Variants in STAG1 observed in about 807,000 individuals in gnomAD.
The protein encoded by STAG1 is STAG1 cohesin complex component.
Under a neutral mutation model 170.9 loss-of-function variants are expected in STAG1, and 26 were observed. That is an observed-to-expected ratio of 0.15 (90% CI 0.11 to 0.21). The LOEUF (loss-of-function observed/expected upper bound fraction) is 0.21, where lower values mean the gene tolerates loss of function less well. Ranked by LOEUF, STAG1 falls within the 10% of genes least tolerant of loss-of-function variation. The pLI, the probability that STAG1 is intolerant of heterozygous loss-of-function variation, is 1.00. For synonymous variants in STAG1, 514 were observed against 497.7 expected (o/e 1.03, Z -0.44); for missense variants, 964 against 1,509.5 (o/e 0.64, Z 5.99).
intron 1 of STAG1, among the ~76,000 whole-genome samples, chr3:136,660,828 G>T (rs1941553341): frequency 6.6e-6 from 1 of 152,072 alleles, no homozygotes; most frequent in East Asian, 1.9e-4. Flanking sequence ...AATTAGCCAG[G>T]TATAGTGGTA....
intron 1 of STAG1, among the ~76,000 whole-genome samples, chr3:136,700,699 C>T (rs925226028): frequency 2.0e-5 from 3 of 151,060 alleles, no homozygotes; most frequent in Admixed American, 6.6e-5. Context: ...GGATTACAGG[C>T]ATAATAGACC....
chr3:136,472,636 G>C (rs1283859156), intron 11 of STAG1, 144 bp from the exon 12 acceptor site: 3 of 542,430 alleles, frequency 5.5e-6, no homozygotes, highest in Non-Finnish European at 6.6e-6. Context: ...CAGTATTGTA[G>C]TCCTACTCAC....
intron 1 of STAG1, among the ~76,000 whole-genome samples, chr3:136,670,408 A>C (rs1941940002): frequency 6.6e-6 from 1 of 152,218 alleles, no homozygotes; most frequent in African/African-American, 2.4e-5. Flanking sequence ...ACCACAAAGA[A>C]AGTACAATCA....
chr3:136,750,147 C>T (rs1240431640), intron 1 of STAG1, among the ~76,000 whole-genome samples: 1 of 152,148 alleles, frequency 6.6e-6, no homozygotes, highest in Non-Finnish European at 1.5e-5. Flanking sequence ...TCACAGACAT[C>T]TTGTTACACA....
intron 22 of STAG1, 114 bp from the exon 23 acceptor site, chr3:136,377,866 T>A: frequency 2.6e-6 from 2 of 781,912 alleles, no homozygotes; most frequent in Non-Finnish European, 4.3e-6. Context: ...GAAATTCATA[T>A]AACCAAATTT....
chr3:136,730,694 G>C (rs113076983), intron 1 of STAG1, among the ~76,000 whole-genome samples: 175 of 152,322 alleles, frequency 1.1e-3, no homozygotes, highest in African/African-American at 2.4e-3. Flanking sequence ...TTTTAAAGCT[G>C]TCAGGTAATT....
rs1007419177 is a variant in STAG1, at chr3:136,337,160, G to C, written c.*1094C>G. ...TTAGGAACTTCACCCTCTAAGCACA[G>C]ACTTCTATGCAGCACATACTTCTAT... On this transcript the variant is annotated 3_prime_UTR_variant, in exon 34 of 34. Transcript: ENST00000383202. The C allele has an allele frequency of 1.3e-5, 2 of 152,638 alleles. No homozygotes were observed. Among genetic ancestry groups the C allele is most frequent in the Non-Finnish European group, 2.9e-5 (2 of 68,034 alleles). 9.5% of individuals were successfully genotyped at this position (152,638 alleles called of 1,614,324 possible).
intron 1 of STAG1, among the ~76,000 whole-genome samples, chr3:136,687,804 T>A (rs1942585439): frequency 6.6e-6 from 1 of 151,522 alleles, no homozygotes; most frequent in Admixed American, 6.6e-5. Flanking sequence ...TGGCATGATA[T>A]CAGCTCACTG....
At chr3:136,467,449 G>C (rs2089496453) in intron 12 of STAG1, among the ~76,000 whole-genome samples, 1 of 152,166 alleles carries the variant, frequency 6.6e-6, no homozygotes, top group South Asian at 2.1e-4. Context: ...AAGTCAACAA[G>C]AAGAGCTAAC....
At chr3:136,366,228 A>G (rs1404894235) in intron 25 of STAG1, among the ~76,000 whole-genome samples, 1 of 152,104 alleles carries the variant, frequency 6.6e-6, no homozygotes, top group Non-Finnish European at 1.5e-5. Context: ...TTATATGTAA[A>G]TGATGATACT....
In STAG1 at chr3:136,480,888, G is replaced by A. The variant is rs1432321990; in HGVS notation, c.903-3476C>T. On this transcript the variant is annotated intron_variant, in intron 9 of 33. Coordinates refer to ENST00000383202, the MANE Select transcript of STAG1 (RefSeq NM_005862.3). Reference sequence around the variant, plus strand: ...TGGTTTGGCTCTCTGTTTGTCTGTTGTTGGTGTATAAGAATGCTTGTGATT... The same window carrying A: ...TGGTTTGGCTCTCTGTTTGTCTGTTATTGGTGTATAAGAATGCTTGTGATT... Among the ~76,000 whole-genome samples the A allele has an allele frequency of 2.0e-3, 288 of 141,446 alleles. 3 individuals carry two copies. Among genetic ancestry groups the A allele is most frequent in the African/African-American group, 7.0e-3 (274 of 39,130 alleles). The allele number at this position is 141,446 out of a possible 152,430, so 92.8% of individuals were successfully genotyped here.
chr3:136,697,867 G>C (rs187171562), intron 1 of STAG1, among the ~76,000 whole-genome samples: 14 of 152,278 alleles, frequency 9.2e-5, no homozygotes, highest in African/African-American at 3.4e-4. Context: ...GGGATTAGAA[G>C]ATACATTTAT....
chr3:136,610,665 G>A lies in STAG1; in HGVS notation c.133-6192C>T, dbSNP rs534288416. 7.0e-4 allele frequency among the ~76,000 whole-genome samples: 107 copies of A among 152,118 alleles called. 3 individuals carry two copies. The highest frequency in any genetic ancestry group is 2.2e-3 in the African/African-American group (93 of 41,500). On this transcript the variant is annotated intron_variant, in intron 3 of 33. Transcript: ENST00000383202. ...TACAAACTTTTTTTTTAGATTTTCA[G>A]TATGTATGTTAAGAATTGCACACAA...
chr3:136,372,246 G>T (rs1937381469), intron 23 of STAG1, among the ~76,000 whole-genome samples: 1 of 152,130 alleles, frequency 6.6e-6, no homozygotes, highest in Admixed American at 6.5e-5. Context: ...AGGAGATTTT[G>T]GGCTGAGACG....
rs142684627 is a variant in STAG1, at chr3:136,503,685, A to G, written c.677-906T>C. On this transcript the variant is annotated intron_variant, in intron 7 of 33. Coordinates refer to ENST00000383202, the MANE Select transcript of STAG1 (RefSeq NM_005862.3). The stretch of plus-strand genomic sequence containing the variant: ...AGAAGAACTGATTCATTTATCTGCA[A>G]ACATATCCATATAATTAAAAACAAG... Among the ~76,000 whole-genome samples the G allele has an allele frequency of 6.5e-3, 996 of 152,298 alleles. 14 individuals are homozygous for G. The highest frequency in any genetic ancestry group is 0.023 in the African/African-American group (967 of 41,570).
intron 4 of STAG1, among the ~76,000 whole-genome samples, chr3:136,588,381 G>T (rs942551350): frequency 2.6e-5 from 4 of 152,116 alleles, no homozygotes. Context: ...TTGATGCTCA[G>T]GCTGTAGTGC....
intron 1 of STAG1, among the ~76,000 whole-genome samples, chr3:136,747,655 G>A (rs1022564839): frequency 6.6e-6 from 1 of 152,128 alleles, no homozygotes; most frequent in Non-Finnish European, 1.5e-5. Flanking sequence ...ACTCCAGCCT[G>A]AGTGACAGAG....
intron 22 of STAG1, among the ~76,000 whole-genome samples, chr3:136,386,299 A>G (rs773111130): frequency 5.3e-5 from 8 of 152,166 alleles, no homozygotes; most frequent in Non-Finnish European, 8.8e-5. Context: ...AGATCGTGCC[A>G]TTGCACTCCA....
At chr3:136,685,739 G>A (rs573826141) in intron 1 of STAG1, among the ~76,000 whole-genome samples, 20 of 152,038 alleles carry the variant, frequency 1.3e-4, no homozygotes, top group African/African-American at 2.4e-4. Context: ...AAGGCAAAAC[G>A]AAAAAGGCAG....
Sources: gnomAD v4.1 joint callset for allele counts (sites outside exome capture counted in the v4.1 genomes callset) on GRCh38, gnomAD v4.1.1 for gene constraint, MANE v1.5 for transcripts, NCBI Gene and HGNC (gene_info 2026-07-23, HGNC 2026-07-21) for gene names.